The following ZNF277 variants were observed in gnomAD, a reference collection of about 807,000 sequenced individuals.
The protein encoded by ZNF277 is zinc finger protein 277.
In ZNF277, 55 loss-of-function variants were observed where a neutral mutation model predicts 60.7. The ratio of observed to expected loss-of-function variants is 0.91; its 90% CI spans 0.73 to 1.13. The LOEUF is 1.13. Ranked by LOEUF, ZNF277 falls within the 50% of genes most tolerant of loss-of-function variation. The pLI, the probability that ZNF277 is intolerant of heterozygous loss-of-function variation, is 0.00. For missense variants in ZNF277, 510 were observed against 523.0 expected, an observed-to-expected ratio of 0.98 and a Z score of 0.24; for synonymous variants, 178 against 179.3, an observed-to-expected ratio of 0.99 and a Z score of 0.06.
chr7:112,230,364 A>C (rs1225536891), intron 1 of ZNF277, among the ~76,000 whole-genome samples: 1 of 152,196 alleles, frequency 6.6e-6, no homozygotes, highest in Non-Finnish European at 1.5e-5. Flanking sequence ...TGTAGTCCAA[A>C]CTGGATGCCC....
Position 112,300,144 on chromosome 7 carries a change from C to T in ZNF277, c.465+3833C>T, listed in dbSNP as rs10480693. Among the ~76,000 whole-genome samples the T allele has an allele frequency of 7.3e-3, 1,116 of 152,246 alleles. 12 individuals carry two copies. The highest frequency in any genetic ancestry group is 0.026 in the African/African-American group (1,061 of 41,542). On this transcript the variant is annotated intron_variant, in intron 4 of 11. Coordinates refer to ENST00000361822, the MANE Select transcript of ZNF277 (RefSeq NM_021994.3). ...GGAGGTATATAGAGTTTAAATGATTCACTGAAAGTTACAGTAACAGATTTT... is the reference window on the plus strand; with the variant it reads ...GGAGGTATATAGAGTTTAAATGATTTACTGAAAGTTACAGTAACAGATTTT...
intron 1 of ZNF277, among the ~76,000 whole-genome samples, chr7:112,216,819 G>A (rs934320550): frequency 5.9e-5 from 9 of 152,244 alleles, no homozygotes; most frequent in African/African-American, 2.2e-4. Flanking sequence ...TGAAGAATTA[G>A]TTGCACATGT....
intron 2 of ZNF277, 28 bp from the exon 3 acceptor site, chr7:112,295,841 A>C: frequency 6.5e-7 from 1 of 1,543,246 alleles, no homozygotes; most frequent in Non-Finnish European, 9.0e-7. Context: ...GAATCTTCTC[A>C]TCGTTCCTTA....
intron 1 of ZNF277, among the ~76,000 whole-genome samples, chr7:112,278,116 A>T (rs6972306): frequency 0.042 from 6,458 of 152,158 alleles, 179 homozygotes; most frequent in East Asian, 0.12. Context: ...ACTTTTCCTT[A>T]TGTCTGTATC....
At position 112,308,424 on chromosome 7, in the gene ZNF277, C is replaced by A. The variant is rs182933638; in HGVS notation, c.466-9758C>A. ...CGCAGATACTTGGGAGGCTGAAGCA[C>A]AAGAACCACTTGAGCCCAGGAGGTG... On this transcript the variant is annotated intron_variant, in intron 4 of 11. Coordinates refer to ENST00000361822, the MANE Select transcript of ZNF277 (RefSeq NM_021994.3). Among the ~76,000 whole-genome samples, 5 of 152,052 alleles carry A rather than the reference C, an allele frequency of 3.3e-5. No homozygotes were observed. In the East Asian group the frequency reaches 7.7e-4, roughly 24 times the overall value.
chr7:112,256,518 AG>A (rs1407091692), intron 1 of ZNF277, among the ~76,000 whole-genome samples: 3 of 147,898 alleles, frequency 2.0e-5, no homozygotes, highest in Admixed American at 1.4e-4. Context: ...TTGCTCTCTA[AG>A]TGGCTCACCT....
chr7:112,330,239 TA>T, intron 7 of ZNF277, 23 bp downstream of exon 7: 1 of 1,609,324 alleles, frequency 6.2e-7, no homozygotes. Flanking sequence ...TTTCATAACT[TA>T]AAATTTGATT....
At chr7:112,299,936 A>C (rs1172077677) in intron 4 of ZNF277, among the ~76,000 whole-genome samples, 1 of 152,200 alleles carries the variant, frequency 6.6e-6, no homozygotes, top group African/African-American at 2.4e-5. Context: ...TAAAGCATAT[A>C]GTTTAAGTAC....
intron 2 of ZNF277, among the ~76,000 whole-genome samples, chr7:112,290,878 G>C (rs1231989480): frequency 6.6e-6 from 1 of 152,130 alleles, no homozygotes; most frequent in African/African-American, 2.4e-5. Flanking sequence ...GTAGGGTTGG[G>C]AGGAGGGAAC....
intron 8 of ZNF277, among the ~76,000 whole-genome samples, chr7:112,337,053 G>A (rs1404087250): frequency 2.0e-5 from 3 of 152,136 alleles, no homozygotes; most frequent in Admixed American, 2.0e-4. Flanking sequence ...AGCTTGCCAT[G>A]AAAAATTCTC....
chr7:112,262,489 A>G (rs1489969654), intron 1 of ZNF277, among the ~76,000 whole-genome samples: 3 of 152,132 alleles, frequency 2.0e-5, no homozygotes, highest in Non-Finnish European at 1.5e-5. Context: ...TGTTTGCCAT[A>G]GTTATTTATT....
At chr7:112,265,408 A>G (rs902485633) in intron 1 of ZNF277, among the ~76,000 whole-genome samples, 3 of 152,188 alleles carry the variant, frequency 2.0e-5, no homozygotes, top group Non-Finnish European at 4.4e-5. Context: ...AAAGTTCACC[A>G]TCTTATATGG....
intron 1 of ZNF277, among the ~76,000 whole-genome samples, chr7:112,238,623 A>C (rs1790865462): frequency 6.6e-6 from 1 of 152,008 alleles, no homozygotes; most frequent in South Asian, 2.1e-4. Context: ...TATGCATCAC[A>C]GTTTGCAGCT....
At chr7:112,300,477 T>C (rs1792449011) in intron 4 of ZNF277, among the ~76,000 whole-genome samples, 1 of 152,190 alleles carries the variant, frequency 6.6e-6, no homozygotes, top group Non-Finnish European at 1.5e-5. Context: ...CCCTCTTTTC[T>C]CTTAAATGTG....
chr7:112,332,102 G>A (rs2117133329), intron 7 of ZNF277, among the ~76,000 whole-genome samples: 1 of 152,300 alleles, frequency 6.6e-6, no homozygotes. Context: ...CTCATACAGG[G>A]CACGGATTTG....
At chr7:112,315,633 C>T (rs997381290) in intron 4 of ZNF277, among the ~76,000 whole-genome samples, 5 of 152,002 alleles carry the variant, frequency 3.3e-5, no homozygotes, top group Non-Finnish European at 4.4e-5. Flanking sequence ...TCTTGAATTT[C>T]GAATACAGAA....
chr7:112,284,278 C>G (rs1030224825), intron 1 of ZNF277, among the ~76,000 whole-genome samples: 1 of 152,104 alleles, frequency 6.6e-6, no homozygotes, highest in South Asian at 2.1e-4. Flanking sequence ...GCAGTCAAAC[C>G]AATAAATTTC....
At chr7:112,337,931 C>A in intron 9 of ZNF277, 105 bp downstream of exon 9, 2 of 950,574 alleles carry the variant, frequency 2.1e-6, no homozygotes, top group Non-Finnish European at 3.1e-6. Flanking sequence ...ATCATTATTC[C>A]AACCAGAAGA....
At chr7:112,243,621 A>G (rs1383366019) in intron 1 of ZNF277, among the ~76,000 whole-genome samples, 1 of 152,228 alleles carries the variant, frequency 6.6e-6, no homozygotes, top group African/African-American at 2.4e-5. Flanking sequence ...TAAAACCAAA[A>G]CACAATACCA....
Sources: gnomAD v4.1 joint callset for allele counts (sites outside exome capture counted in the v4.1 genomes callset) on GRCh38, gnomAD v4.1.1 for gene constraint, MANE v1.5 for transcripts, NCBI Gene and HGNC (gene_info 2026-07-23, HGNC 2026-07-21) for gene names.